DCC: variants seen among roughly 807,000 people sequenced by gnomAD.
DCC encodes the protein netrin receptor DCC.
DCC carries 58 observed loss-of-function variants against 172.5 expected under a neutral mutation model. The ratio of observed to expected loss-of-function variants is 0.34; its 90% CI spans 0.27 to 0.42. The LOEUF is 0.42. Among genes scored for constraint, DCC ranks in the 10% least tolerant of loss-of-function variants. The pLI is 1.00. For synonymous variants in DCC, 709 were observed against 644.5 expected (o/e 1.10, Z -1.52); for missense variants, 1,740 against 1,791.0 (o/e 0.97, Z 0.51).
intron 27 of DCC, among the ~76,000 whole-genome samples, chr18:53,510,354 C>T (rs1376958251): frequency 6.6e-6 from 1 of 151,896 alleles, no homozygotes; most frequent in East Asian, 1.9e-4. Flanking sequence ...GTAAGTGAAC[C>T]CATGAATAGT....
At chr18:53,224,194 A>G (rs1160938882) in intron 12 of DCC, among the ~76,000 whole-genome samples, 1 of 152,174 alleles carries the variant, frequency 6.6e-6, no homozygotes, top group Non-Finnish European at 1.5e-5. Flanking sequence ...CCTCATTTAA[A>G]TCAGATTGTC....
At chr18:53,069,584 A>AT (rs1413708088) in intron 7 of DCC, among the ~76,000 whole-genome samples, 1 of 150,584 alleles carries the variant, frequency 6.6e-6, no homozygotes, top group Non-Finnish European at 1.5e-5. Context: ...TAAGGTGGGG[A>AT]TTTTCTGAAG....
intron 1 of DCC, among the ~76,000 whole-genome samples, chr18:52,411,418 A>T (rs1405888558): frequency 2.0e-5 from 3 of 152,144 alleles, no homozygotes; most frequent in Admixed American, 2.0e-4. Context: ...AGCTATGCCG[A>T]AACTGTCATT....
chr18:52,952,352 C>T (rs2040662468), intron 5 of DCC, among the ~76,000 whole-genome samples: 1 of 152,182 alleles, frequency 6.6e-6, no homozygotes, highest in Non-Finnish European at 1.5e-5. Context: ...CTCTCATATG[C>T]ACATCACATC....
At chr18:52,469,904 T>A (rs1481789978) in intron 1 of DCC, among the ~76,000 whole-genome samples, 1 of 152,094 alleles carries the variant, frequency 6.6e-6, no homozygotes, top group East Asian at 1.9e-4. Flanking sequence ...GCATACAGAT[T>A]TGAGGAGAAA....
chr18:52,492,896 A>G (rs560403075), intron 1 of DCC, among the ~76,000 whole-genome samples: 4 of 152,202 alleles, frequency 2.6e-5, no homozygotes, highest in African/African-American at 9.6e-5. Flanking sequence ...ATGATAGCCA[A>G]TCATATGATA....
chr18:52,885,361 C>T (rs949147178), intron 2 of DCC, among the ~76,000 whole-genome samples: 1 of 152,142 alleles, frequency 6.6e-6, no homozygotes, highest in Non-Finnish European at 1.5e-5. Flanking sequence ...TAAGCTGGCA[C>T]TCAAACCACA....
rs143535954 is a variant in DCC at position 53,251,757 on chromosome 18, A to G, written c.1911+36160A>G. ...AGAAGAATAGATGCTGAATATCATT[A>G]GTGGTTAGAGAAATGTGCTCATTGA... is the stretch of plus-strand genomic sequence containing the variant. On this transcript the variant is annotated intron_variant, in intron 12 of 28. Coordinates refer to ENST00000442544, the MANE Select transcript of DCC (RefSeq NM_005215.4). Among the ~76,000 whole-genome samples the G allele has an allele frequency of 2.6e-5, 4 of 152,098 alleles. No homozygotes were observed. In the East Asian group the frequency reaches 7.8e-4, roughly 29 times the overall value.
chr18:53,345,739 A>G (rs2144884452), intron 15 of DCC, among the ~76,000 whole-genome samples: 1 of 151,144 alleles, frequency 6.6e-6, no homozygotes, highest in Non-Finnish European at 1.5e-5. Flanking sequence ...TTTTCACTGG[A>G]TATAGAATTC....
chr18:52,492,217 G>A (rs1309359026), intron 1 of DCC, among the ~76,000 whole-genome samples: 1 of 151,980 alleles, frequency 6.6e-6, no homozygotes, highest in Non-Finnish European at 1.5e-5. Flanking sequence ...TTGGGGGGTA[G>A]TGGGACTGGT....
intron 1 of DCC, among the ~76,000 whole-genome samples, chr18:52,541,875 G>GTATATATATATATATA (rs765428849): frequency 0.097 from 11,024 of 113,254 alleles, 728 homozygotes; most frequent in Non-Finnish European, 0.12. Flanking sequence ...GTGTGTGTGT[G>GTATATATATATATATA]TATATATATA....
intron 11 of DCC, among the ~76,000 whole-genome samples, chr18:53,209,809 G>T (rs1233892465): frequency 1.3e-5 from 2 of 152,146 alleles, no homozygotes; most frequent in Non-Finnish European, 2.9e-5. Context: ...AATTTATGTA[G>T]ATTTCATTCA....
intron 5 of DCC, among the ~76,000 whole-genome samples, chr18:52,948,275 T>C (rs1568205020): frequency 6.6e-6 from 1 of 151,836 alleles, no homozygotes; most frequent in South Asian, 2.1e-4. Flanking sequence ...TTTAATGAAA[T>C]CATAAGTTTC....
intron 7 of DCC, among the ~76,000 whole-genome samples, chr18:53,107,236 G>C (rs2043261866): frequency 6.6e-6 from 1 of 151,806 alleles, no homozygotes; most frequent in Non-Finnish European, 1.5e-5. Context: ...ATTGAGTAGA[G>C]ATCAAAGTTG....
At chr18:52,690,349 G>A (rs995523778) in intron 1 of DCC, among the ~76,000 whole-genome samples, 1 of 152,126 alleles carries the variant, frequency 6.6e-6, no homozygotes, top group Non-Finnish European at 1.5e-5. Context: ...ACCGGAAGAG[G>A]ATTGAGGGCA....
chr18:53,449,787 C>T (rs1166534154), intron 22 of DCC, among the ~76,000 whole-genome samples: 1 of 152,110 alleles, frequency 6.6e-6, no homozygotes. Flanking sequence ...TGAAAATGTA[C>T]AATTCAGCGG....
intron 5 of DCC, among the ~76,000 whole-genome samples, chr18:53,043,663 A>G (rs922005675): frequency 6.6e-6 from 1 of 151,906 alleles, no homozygotes; most frequent in Non-Finnish European, 1.5e-5. Context: ...TCATTTGGTT[A>G]ACATGTTACA....
chr18:53,214,519 T>A (rs1423672894), intron 11 of DCC, among the ~76,000 whole-genome samples: 1 of 152,126 alleles, frequency 6.6e-6, no homozygotes, highest in East Asian at 1.9e-4. Context: ...AACATAGATT[T>A]TTTTCCAAAT....
chr18:52,646,337 A>G (rs919941404), intron 1 of DCC, among the ~76,000 whole-genome samples: 5 of 152,180 alleles, frequency 3.3e-5, no homozygotes, highest in Admixed American at 3.3e-4. Flanking sequence ...TCTACTCCCA[A>G]CACAATGTGT....
Sources: allele counts gnomAD v4.1 joint callset (sites outside exome capture counted in the v4.1 genomes callset), GRCh38; gene constraint gnomAD v4.1.1; transcripts MANE v1.5; gene names NCBI Gene and HGNC (gene_info 2026-07-23, HGNC 2026-07-21).